The following SULF1 variants were observed in gnomAD, a reference collection of about 807,000 sequenced individuals.
The protein encoded by SULF1 is sulfatase 1.
In SULF1, 46 loss-of-function variants were observed where a neutral mutation model predicts 110.5. The observed-to-expected ratio is 0.42, with a 90% CI of 0.33 to 0.53. The LOEUF (loss-of-function observed/expected upper bound fraction) is 0.53. SULF1 is among the 20% of genes least tolerant of loss of function. SULF1 has a pLI of 0.12. For missense variants in SULF1, 941 were observed against 1,094.2 expected (o/e 0.86, Z 1.98); for synonymous variants, 371 against 387.1 (o/e 0.96, Z 0.49).
At chr8:69,575,060 G>C (rs896739828) in intron 5 of SULF1, among the ~76,000 whole-genome samples, 2 of 152,184 alleles carry the variant, frequency 1.3e-5, no homozygotes, top group African/African-American at 4.8e-5. Flanking sequence ...AGATTCAAAT[G>C]CAATGGGCTT....
Position 69,603,299 on chromosome 8 carries a change from A to G in SULF1, c.1169A>G (p.Asp390Gly). Residue 390 changes from aspartate (D) to glycine (G), a missense_variant, in exon 11 of 23, where the codon GAC (aspartate) becomes GGC (glycine). Asp to Gly is a moderately conservative substitution (Grantham distance 94). This residue lies in a region of SULF1 where 822 missense variants were observed against 934.3 expected (regional missense o/e 0.88). Coordinates refer to ENST00000402687, the MANE Select transcript of SULF1 (RefSeq NM_001128205.2). The part of the protein sequence containing the change: ...VDGKSVLKLL[D>G]PEKPGNRFRT... ...GGCAAGTCTGTCCTCAAACTTCTGG[A>G]CCCAGAAAAGCCAGGTAACAGGTGT... 1 of 1,614,078 alleles carries G rather than the reference A, an allele frequency of 6.2e-7. No individual in the cohort carries two copies. Among genetic ancestry groups the G allele is most frequent in the Non-Finnish European group, 8.5e-7 (1 of 1,180,022 alleles).
rs188272177 is a variant in SULF1 at position 69,625,609 on chromosome 8, C to T, written c.1850+1412C>T. 3.9e-5 allele frequency among the ~76,000 whole-genome samples: 6 copies of T among 152,228 alleles called. No individual in the cohort carries two copies. The East Asian group carries it at 7.7e-4, about 20-fold the overall frequency. ...GAGTGTTACAGCTCTTAAGGCAGCG[C>T]GTCTGGAGTTGTTCGTTCCTCCCAG... On this transcript the variant is annotated intron_variant, in intron 15 of 22. Transcript: ENST00000402687.
At chr8:69,488,528 T>C (rs889968990), upstream of SULF1, among the ~76,000 whole-genome samples, 3 of 151,916 alleles carry the variant, frequency 2.0e-5, no homozygotes, top group African/African-American at 7.3e-5. Flanking sequence ...AAAATTTATT[T>C]CTATTTGGAA....
intron 1 of SULF1, among the ~76,000 whole-genome samples, chr8:69,468,969 AAAAAAACAATTGTACACAGG>A (rs1309586621): frequency 6.6e-6 from 1 of 152,144 alleles, no homozygotes; most frequent in African/African-American, 2.4e-5. Context: ...AATTCCCCTG[AAAAAAACAATTGTACACAGG>A]ATTAGGCAGG....
intron 3 of SULF1, among the ~76,000 whole-genome samples, chr8:69,522,049 T>C (rs919814946): frequency 4.0e-5 from 6 of 150,140 alleles, no homozygotes; most frequent in African/African-American, 1.2e-4. Context: ...AGATGGATCA[T>C]GGACGATTTT....
chr8:69,536,492 C>G (rs1354894832), intron 3 of SULF1, among the ~76,000 whole-genome samples: 1 of 152,140 alleles, frequency 6.6e-6, no homozygotes, highest in Non-Finnish European at 1.5e-5. Context: ...TCTTTGCAGC[C>G]TGTTGTTTGT....
exon 1 of SULF1, chr8:69,466,850 C>T: frequency 6.6e-6 from 1 of 152,226 alleles, no homozygotes; most frequent in East Asian, 1.9e-4. Context: ...GCTGTGTGGT[C>T]TTCTCCAAGT....
At chr8:69,551,689 A>G (rs1157286391) in intron 3 of SULF1, among the ~76,000 whole-genome samples, 1 of 152,190 alleles carries the variant, frequency 6.6e-6, no homozygotes, top group East Asian at 1.9e-4. Flanking sequence ...GAGACTTGCA[A>G]CACCTACTTG....
intron 13 of SULF1, among the ~76,000 whole-genome samples, chr8:69,618,598 T>A (rs946422920): frequency 8.5e-5 from 13 of 152,306 alleles, no homozygotes; most frequent in Admixed American, 3.9e-4. Flanking sequence ...CGCCTGTCTG[T>A]CCCTTGAGCT....
chr8:69,536,146 G>T (rs924043906), intron 3 of SULF1, among the ~76,000 whole-genome samples: 4 of 151,986 alleles, frequency 2.6e-5, no homozygotes, highest in African/African-American at 4.8e-5. Context: ...TAGTATTTAC[G>T]CTCAGGTGTT....
At chr8:69,483,862 T>C (rs1239121694) in intron 1 of SULF1, among the ~76,000 whole-genome samples, 3 of 152,228 alleles carry the variant, frequency 2.0e-5, no homozygotes, top group African/African-American at 7.2e-5. Flanking sequence ...CTGTTTTACT[T>C]ACTAATGTTA....
chr8:69,548,639 T>G (rs1814461981), intron 3 of SULF1, among the ~76,000 whole-genome samples: 1 of 149,512 alleles, frequency 6.7e-6, no homozygotes, highest in African/African-American at 2.5e-5. Context: ...TTTTGTATTT[T>G]TAGTAGAGAC....
chr8:69,496,418 T>TAA (rs1810361570), intron 2 of SULF1, among the ~76,000 whole-genome samples: 1 of 152,258 alleles, frequency 6.6e-6, no homozygotes, highest in Non-Finnish European at 1.5e-5. Flanking sequence ...GAAATCATCT[T>TAA]TGACTTTTGA....
intron 5 of SULF1, among the ~76,000 whole-genome samples, chr8:69,567,092 A>G (rs1321486662): frequency 6.6e-6 from 1 of 152,140 alleles, no homozygotes; most frequent in Non-Finnish European, 1.5e-5. Context: ...CCTAAAAACA[A>G]TCGGCAAATT....
At chr8:69,469,848 C>G (rs994253578) in intron 1 of SULF1, among the ~76,000 whole-genome samples, 2 of 152,190 alleles carry the variant, frequency 1.3e-5, no homozygotes, top group Non-Finnish European at 2.9e-5. Flanking sequence ...TCAAGTCCAG[C>G]CTGGCCAACA....
At chr8:69,632,731 A>T (rs934101020) in intron 19 of SULF1, among the ~76,000 whole-genome samples, 20 of 152,358 alleles carry the variant, frequency 1.3e-4, no homozygotes, top group African/African-American at 4.8e-4. Context: ...ATGAAAATAT[A>T]CAAAATAAAA....
rs199553583 is a variant in SULF1 at position 69,618,742 on chromosome 8, TAGA to T, written c.1378-2287_1378-2285del. 2.0e-4 allele frequency among the ~76,000 whole-genome samples: 31 copies of T among 152,310 alleles called. No individual in the cohort carries two copies. The East Asian group carries it at 5.8e-3, about 28-fold the overall frequency. ...AGTATAGGGGGCTAAAGCAAAATCA[TAGA>T]AGAAGTCCTGTATCTCTAGGATTTG... On this transcript the variant is annotated intron_variant, in intron 13 of 22. Coordinates refer to ENST00000402687, the MANE Select transcript of SULF1 (RefSeq NM_001128205.2).
At chr8:69,510,157 G>T (rs1811456727) in intron 3 of SULF1, among the ~76,000 whole-genome samples, 1 of 152,134 alleles carries the variant, frequency 6.6e-6, no homozygotes, top group African/African-American at 2.4e-5. Context: ...TATATGTCAG[G>T]GTAGTGCAAG....
At chr8:69,487,842 A>G (rs1052588675) in intron 1 of SULF1, among the ~76,000 whole-genome samples, 2 of 152,220 alleles carry the variant, frequency 1.3e-5, no homozygotes, top group Non-Finnish European at 2.9e-5. Flanking sequence ...CTGTTTATAA[A>G]ACAATTTACA....
Sources: allele counts gnomAD v4.1 joint callset (sites outside exome capture counted in the v4.1 genomes callset), GRCh38; gene constraint gnomAD v4.1.1; regional missense constraint gnomAD v4.1.1; transcripts MANE v1.5; gene names NCBI Gene and HGNC (gene_info 2026-07-23, HGNC 2026-07-21).